The following WWOX variants were observed in gnomAD, a reference collection of about 807,000 sequenced individuals.
WWOX encodes WW domain containing oxidoreductase.
In WWOX, 69 loss-of-function variants were observed where a neutral mutation model predicts 46.2. That is an observed-to-expected ratio of 1.49 (90% CI 1.23 to 1.82). The LOEUF is 1.82. Ranked by LOEUF, WWOX falls within the 40% of genes most tolerant of loss-of-function variation. The pLI is 0.00. For missense variants in WWOX, 919 were observed against 542.6 expected (o/e 1.69, Z -6.89); for synonymous variants, 359 against 202.6 (o/e 1.77, Z -6.56).
chr16:78,388,040 C>G (rs1348606643), intron 6 of WWOX, among the ~76,000 whole-genome samples: 2 of 152,218 alleles, frequency 1.3e-5, no homozygotes, highest in South Asian at 4.1e-4. Flanking sequence ...ACACTGCTGT[C>G]TAGTGTCCAA....
chr16:79,040,326 G>A (rs1002994090), intron 8 of WWOX, among the ~76,000 whole-genome samples: 39 of 148,274 alleles, frequency 2.6e-4, no homozygotes, highest in African/African-American at 8.8e-4. Context: ...CCAGACTGGA[G>A]TGCGGTGGTG....
At chr16:78,917,622 G>A (rs184565596) in intron 8 of WWOX, among the ~76,000 whole-genome samples, 1 of 152,002 alleles carries the variant, frequency 6.6e-6, no homozygotes, top group East Asian at 1.9e-4. Flanking sequence ...CCTTCTACTT[G>A]AACTTTCCCA....
chr16:78,399,906 A>C (rs73571018), intron 6 of WWOX, among the ~76,000 whole-genome samples: 8,122 of 152,254 alleles, frequency 0.053, 382 homozygotes, highest in African/African-American at 0.12. Context: ...TGTCAGCCTA[A>C]AAACTTGAAT....
At chr16:79,017,932 A>C (rs1352343975) in intron 8 of WWOX, among the ~76,000 whole-genome samples, 2 of 152,262 alleles carry the variant, frequency 1.3e-5, no homozygotes, top group East Asian at 3.8e-4. Context: ...AAACACATGT[A>C]AAAGTAAAAA....
intron 8 of WWOX, among the ~76,000 whole-genome samples, chr16:78,797,138 A>C (rs1388632096): frequency 6.6e-6 from 1 of 152,036 alleles, no homozygotes; most frequent in Non-Finnish European, 1.5e-5. Context: ...AACTTTCTTT[A>C]TCAATAGAAG....
chr16:78,735,131 T>C (rs2049056317), intron 8 of WWOX, among the ~76,000 whole-genome samples: 1 of 151,768 alleles, frequency 6.6e-6, no homozygotes, highest in African/African-American at 2.4e-5. Flanking sequence ...CGTCGCAAAG[T>C]GCTGGGATTA....
At chr16:78,483,184 A>G (rs2084538522) in intron 8 of WWOX, among the ~76,000 whole-genome samples, 1 of 152,178 alleles carries the variant, frequency 6.6e-6, no homozygotes, top group African/African-American at 2.4e-5. Flanking sequence ...ACCCAAATGT[A>G]AAAGATACTT....
intron 8 of WWOX, among the ~76,000 whole-genome samples, chr16:78,651,859 T>A (rs2046972616): frequency 6.6e-6 from 1 of 152,146 alleles, no homozygotes. Context: ...AGCCTTAGTT[T>A]TGTCATGTGT....
intron 8 of WWOX, among the ~76,000 whole-genome samples, chr16:78,986,492 A>G (rs1006012627): frequency 6.6e-6 from 1 of 152,170 alleles, no homozygotes; most frequent in African/African-American, 2.4e-5. Flanking sequence ...TTTGGATTTT[A>G]GTGGATTTTC....
At chr16:78,287,694 C>A (rs1023015449) in intron 5 of WWOX, among the ~76,000 whole-genome samples, 11 of 152,122 alleles carry the variant, frequency 7.2e-5, no homozygotes, top group African/African-American at 2.7e-4. Flanking sequence ...GCCAAAACGG[C>A]CATCTCCTCT....
rs560539850 is a variant in WWOX at position 78,727,798 on chromosome 16, T to C, written c.1056+295046T>C. On this transcript the variant is annotated intron_variant, in intron 8 of 8. Coordinates refer to ENST00000566780, the MANE Select transcript of WWOX (RefSeq NM_016373.4). Reference sequence around the variant, plus strand: ...TCCCTGGTGGTGAGACAGGGAATGGTAGAGTGTGTCCTACCTATGTGCCTG... The same window carrying C: ...TCCCTGGTGGTGAGACAGGGAATGGCAGAGTGTGTCCTACCTATGTGCCTG... 3.3e-5 allele frequency among the ~76,000 whole-genome samples: 5 copies of C among 152,148 alleles called. No individual in the cohort carries two copies. In the East Asian group the frequency reaches 9.7e-4, roughly 30 times the overall value.
intron 8 of WWOX, among the ~76,000 whole-genome samples, chr16:78,980,715 G>A (rs1056924813): frequency 6.6e-6 from 1 of 152,152 alleles, no homozygotes; most frequent in Non-Finnish European, 1.5e-5. Context: ...ACCCGGATCA[G>A]CTCCATTCTC....
At chr16:78,510,070 TC>T (rs2085323154) in intron 8 of WWOX, among the ~76,000 whole-genome samples, 2 of 150,630 alleles carry the variant, frequency 1.3e-5, no homozygotes, top group African/African-American at 2.4e-5. Context: ...TCCAAGTCTG[TC>T]TGTCTGTCTG....
At chr16:78,704,706 G>A (rs1431886308) in intron 8 of WWOX, among the ~76,000 whole-genome samples, 1 of 152,128 alleles carries the variant, frequency 6.6e-6, no homozygotes, top group Non-Finnish European at 1.5e-5. Context: ...ATAGTAAGCA[G>A]ACAGTTTTCC....
At chr16:79,180,082 T>C (rs918170502) in intron 8 of WWOX, among the ~76,000 whole-genome samples, 3 of 151,998 alleles carry the variant, frequency 2.0e-5, no homozygotes, top group Non-Finnish European at 4.4e-5. Flanking sequence ...TTGTGCACTT[T>C]TGCCCAGTTC....
At chr16:78,451,287 C>A (rs2083685669) in intron 8 of WWOX, among the ~76,000 whole-genome samples, 1 of 150,942 alleles carries the variant, frequency 6.6e-6, no homozygotes, top group African/African-American at 2.4e-5. Flanking sequence ...ATAGGAGATT[C>A]ACTGTGATTT....
At chr16:78,210,345 C>A (rs2036520801) in intron 5 of WWOX, among the ~76,000 whole-genome samples, 1 of 152,142 alleles carries the variant, frequency 6.6e-6, no homozygotes, top group Non-Finnish European at 1.5e-5. Flanking sequence ...ATTTTTAATG[C>A]CCTGCATCAT....
chr16:78,319,993 T>G (rs1293046027), intron 5 of WWOX, among the ~76,000 whole-genome samples: 1 of 152,188 alleles, frequency 6.6e-6, no homozygotes, highest in Admixed American at 6.5e-5. Flanking sequence ...TAAACTCTCA[T>G]TATATCTTTT....
At chr16:78,809,262 G>C (rs2051125747) in intron 8 of WWOX, among the ~76,000 whole-genome samples, 1 of 137,842 alleles carries the variant, frequency 7.3e-6, no homozygotes, top group Admixed American at 7.6e-5. Context: ...TTAGAAGTTA[G>C]ATTTTTTTAG....
Sources: allele counts gnomAD v4.1 joint callset (sites outside exome capture counted in the v4.1 genomes callset), GRCh38; gene constraint gnomAD v4.1.1; transcripts MANE v1.5; gene names NCBI Gene and HGNC (gene_info 2026-07-23, HGNC 2026-07-21).